Variants in PACRGL observed in about 807,000 individuals in gnomAD.
PACRGL encodes PACRG-like protein.
A neutral mutation model predicts 34.5 loss-of-function variants in PACRGL; 38 were observed. That is an observed-to-expected ratio of 1.10 (90% CI 0.85 to 1.44). The LOEUF (loss-of-function observed/expected upper bound fraction) is 1.44, where lower values mean the gene tolerates loss of function less well. PACRGL is among the 40% of genes most tolerant of loss of function. PACRGL has a pLI of 0.00. For synonymous variants in PACRGL, 128 were observed against 100.1 expected, an observed-to-expected ratio of 1.28 and a Z score of -1.66; for missense variants, 305 against 281.4, an observed-to-expected ratio of 1.08 and a Z score of -0.60.
At chr4:20,745,880 T>C (rs964289863) in intron 8 of PACRGL, among the ~76,000 whole-genome samples, 18 of 152,128 alleles carry the variant, frequency 1.2e-4, no homozygotes, top group African/African-American at 4.3e-4. Context: ...TACTGGGTAA[T>C]GAGATGACCA....
At chr4:20,704,331 G>A (rs1733584570) in intron 1 of PACRGL, 135 bp from the exon 2 acceptor site, 1 of 675,210 alleles carries the variant, frequency 1.5e-6, no homozygotes, top group African/African-American at 1.8e-5. Flanking sequence ...GTCTTTTCCA[G>A]TATTTTGCTC....
intron 1 of PACRGL, chr4:20,701,783 C>A (rs141120132): frequency 4.4e-6 from 2 of 449,916 alleles, no homozygotes; most frequent in Admixed American, 4.8e-5. Context: ...CAAATCCACC[C>A]ATGCCAAAGT....
upstream of PACRGL, among the ~76,000 whole-genome samples, chr4:20,699,839 A>C (rs77197533): frequency 0.036 from 5,466 of 152,246 alleles, 195 homozygotes; most frequent in East Asian, 0.18. Context: ...CGTGCTTTTC[A>C]CTATTAAATA....
chr4:20,730,221 CCACCTCAACCACCTAT>C lies in PACRGL; in HGVS notation c.*2881_*2896del. The C allele has an allele frequency of 7.2e-7, 1 of 1,396,652 alleles. No homozygotes were observed. The highest frequency in any genetic ancestry group is 9.6e-7 in the Non-Finnish European group (1 of 1,046,450). 86.5% of individuals were successfully genotyped at this position (1,396,652 alleles called of 1,614,324 possible). On this transcript the variant is annotated 3_prime_UTR_variant, in exon 9 of 9. Transcript: ENST00000503585. ...CCTGAGTATTGCCTCCTCCCATCAA[CCACCTCAACCACCTAT>C]GCCAAAAGCTCAAATATTAAGTGTT...
intron 7 of PACRGL, among the ~76,000 whole-genome samples, chr4:20,716,427 C>T (rs1485487760): frequency 6.6e-6 from 1 of 152,030 alleles, no homozygotes; most frequent in African/African-American, 2.4e-5. Flanking sequence ...TATACGTGTG[C>T]CATGTTGGTG....
Position 20,713,491 on chromosome 4 carries a change from C to G in PACRGL, c.561C>G (p.Val187=), listed in dbSNP as rs371117257. ...TGAATGCTCTAGTTCAGCTAAGTGT[C>G]GTTGTTGGTCCTTCTCTAAACGACC... ...RGLNALVQLS[V]VVGPSLNDHL... is the part of the protein sequence containing the mutation. Residue 187 remains valine (V), a synonymous_variant, in exon 7 of 9, where the codon GTC becomes GTG. Coordinates refer to ENST00000503585, the MANE Select transcript of PACRGL (RefSeq NM_001258345.3). 4 of 1,613,682 alleles carry G rather than the reference C, an allele frequency of 2.5e-6. No individual in the cohort carries two copies. The South Asian group carries it at 4.4e-5, about 18-fold the overall frequency.
intron 8 of PACRGL, 56 bp downstream of exon 8, chr4:20,724,944 A>G: frequency 1.0e-6 from 1 of 982,568 alleles, no homozygotes; most frequent in South Asian, 2.3e-5. Context: ...TGTATTACTA[A>G]ATTGACATAT....
intron 3 of PACRGL, among the ~76,000 whole-genome samples, chr4:20,706,127 G>GA (rs1734377438): frequency 6.6e-6 from 1 of 151,896 alleles, no homozygotes; most frequent in East Asian, 1.9e-4. Context: ...TTTCACTTTA[G>GA]ACTTGGTAAA....
chr4:20,707,427 A>C (rs774539516), intron 3 of PACRGL, among the ~76,000 whole-genome samples: 1 of 152,208 alleles, frequency 6.6e-6, no homozygotes, highest in Non-Finnish European at 1.5e-5. Flanking sequence ...TACCTACGCC[A>C]TCTGTATTTG....
At position 20,729,319 on chromosome 4, in the gene PACRGL, GATACTAATGATTGATAC is replaced by G. The variant is rs1217500995; in HGVS notation, c.*1980_*1996del. On this transcript the variant is annotated 3_prime_UTR_variant, in exon 9 of 9. Coordinates refer to ENST00000503585, the MANE Select transcript of PACRGL (RefSeq NM_001258345.3). Reference sequence around the variant, plus strand: ...CTTCTTCAACTTCCACTTAATGATTGATACTAATGATTGATACAATAGAAAACAGCCTGTAAGAAAGA... The same window carrying G: ...CTTCTTCAACTTCCACTTAATGATTGAATAGAAAACAGCCTGTAAGAAAGA... The G allele has an allele frequency of 1.3e-5, 2 of 151,254 alleles. No homozygotes were observed. The highest frequency in any genetic ancestry group is 1.3e-4 in the Admixed American group (2 of 14,996). The allele number at this position is 151,254 out of a possible 1,614,324, so 9.4% of individuals were successfully genotyped here. A position where few individuals can be genotyped will look rare whatever the true frequency, so the allele number is the denominator to read the frequency against.
chr4:20,742,649 T>G (rs1308608499), intron 8 of PACRGL, among the ~76,000 whole-genome samples: 1 of 152,146 alleles, frequency 6.6e-6, no homozygotes, highest in Non-Finnish European at 1.5e-5. Context: ...CTTTGAAAAC[T>G]GGCACAAGAC....
In PACRGL at chr4:20,724,902, T is replaced by C; in HGVS notation, c.690+14T>C. 1 of 1,403,478 alleles carries C rather than the reference T, an allele frequency of 7.1e-7. No individual in the cohort carries two copies. Among genetic ancestry groups the C allele is most frequent in the Non-Finnish European group, 9.3e-7 (1 of 1,080,554 alleles). 86.9% of individuals were successfully genotyped at this position (1,403,478 alleles called of 1,614,324 possible). ...CATGGTGGAAGTGTAAGTAGAATAT[T>C]ATTCCTTAAGTCTTTTTTTTTAACT... On this transcript the variant is annotated intron_variant, in intron 8 of 8. Coordinates refer to ENST00000503585, the MANE Select transcript of PACRGL (RefSeq NM_001258345.3).
At chr4:20,733,769 G>A (rs1345743424), downstream of PACRGL, among the ~76,000 whole-genome samples, 1 of 152,138 alleles carries the variant, frequency 6.6e-6, no homozygotes, top group Non-Finnish European at 1.5e-5. Flanking sequence ...ATAGCCATAA[G>A]GTCTTAATTT....
intron 8 of PACRGL, among the ~76,000 whole-genome samples, chr4:20,725,573 T>C (rs1560371173): frequency 6.6e-6 from 1 of 152,190 alleles, no homozygotes; most frequent in Non-Finnish European, 1.5e-5. Flanking sequence ...TTTGGAAATT[T>C]TGTTTAATCA....
At chr4:20,763,298 C>T in the PACRGL span, among the ~76,000 whole-genome samples, 1 of 152,160 alleles carries the variant, frequency 6.6e-6, no homozygotes, top group African/African-American at 2.4e-5. Context: ...ACCTGTATAA[C>T]ACAGTTAAAA....
At chr4:20,735,742 G>A (rs1378963467), downstream of PACRGL, among the ~76,000 whole-genome samples, 1 of 151,924 alleles carries the variant, frequency 6.6e-6, no homozygotes, top group East Asian at 1.9e-4. Flanking sequence ...TCACCATGTT[G>A]GCCAGGTTGG....
the PACRGL span, among the ~76,000 whole-genome samples, chr4:20,765,193 G>T: frequency 9.2e-4 from 140 of 152,218 alleles, no homozygotes; most frequent in Middle Eastern, 0.01. Flanking sequence ...TGCTCTTGTG[G>T]AATATAACAT....
chr4:20,720,271 G>C (rs575624970), intron 7 of PACRGL, among the ~76,000 whole-genome samples: 103 of 152,222 alleles, frequency 6.8e-4, no homozygotes, highest in African/African-American at 2.4e-3. Flanking sequence ...GATGGGTCTC[G>C]ACTCTTTATC....
At chr4:20,700,833 T>C (rs932758649) in intron 1 of PACRGL, 46 bp downstream of exon 1, 2 of 152,406 alleles carry the variant, frequency 1.3e-5, no homozygotes, top group African/African-American at 4.8e-5. Context: ...GTTTTTTCTT[T>C]ATTTTTTTTC....
Sources: allele counts gnomAD v4.1 joint callset (sites outside exome capture counted in the v4.1 genomes callset), GRCh38; gene constraint gnomAD v4.1.1; transcripts MANE v1.5; gene names NCBI Gene and HGNC (gene_info 2026-07-23, HGNC 2026-07-21).